RICTOR: variants seen among roughly 807,000 people sequenced by gnomAD.
The protein encoded by RICTOR is rapamycin-insensitive companion of mTOR.
RICTOR carries 49 observed loss-of-function variants against 214.9 expected under a neutral mutation model. The observed-to-expected ratio is 0.23, with a 90% CI of 0.18 to 0.29. The LOEUF (loss-of-function observed/expected upper bound fraction) is 0.29, where lower values mean the gene tolerates loss of function less well. Ranked by LOEUF, RICTOR falls within the 10% of genes least tolerant of loss-of-function variation. The pLI is 1.00. For missense variants in RICTOR, 1,625 were observed against 2,047.0 expected, an observed-to-expected ratio of 0.79 and a Z score of 3.98; for synonymous variants, 717 against 711.3, an observed-to-expected ratio of 1.01 and a Z score of -0.13.
At chr5:39,049,682 A>G (rs1037437223) in intron 2 of RICTOR, among the ~76,000 whole-genome samples, 2 of 150,748 alleles carry the variant, frequency 1.3e-5, no homozygotes, top group Non-Finnish European at 3.0e-5. Context: ...AATAGGAAAG[A>G]AGGGAGGGAG....
chr5:39,014,188 G>T (rs945517209), intron 3 of RICTOR, among the ~76,000 whole-genome samples: 5 of 152,062 alleles, frequency 3.3e-5, no homozygotes, highest in Non-Finnish European at 7.4e-5. Context: ...ATCACCTAAC[G>T]ATGCATTCCT....
chr5:38,944,968 A>C lies in RICTOR; in HGVS notation c.4734T>G (p.Asp1578Glu). 6.2e-7 allele frequency: 1 copy of C among 1,614,016 alleles called. No homozygotes were observed. Among genetic ancestry groups the C allele is most frequent in the East Asian group, 2.2e-5 (1 of 44,862 alleles). The change falls in exon 35 of 38, where the codon GAT becomes GAG. Residue 1578 changes from aspartate to glutamate, a missense_variant. Around this residue, in one of 5 missense-constraint regions of RICTOR, gnomAD observed 1,214 missense variants for 1,470.5 expected, o/e 0.83. Transcript: ENST00000357387. ...SKFSGISGCS[D>E]GVSQEGSASS... Reference sequence around the variant, plus strand: ...TAGCTGAGCCTTCTTGAGACACCCCATCACTGCATCCAGAAATCCCCGAAA... The same window carrying C: ...TAGCTGAGCCTTCTTGAGACACCCCCTCACTGCATCCAGAAATCCCCGAAA...
rs1245466150 is a variant in RICTOR, at chr5:38,990,648, G to T, written c.583+301C>A. On this transcript the variant is annotated intron_variant, in intron 7 of 37. Transcript: ENST00000357387. ...TGATATATATATCTGACATATATCA[G>T]ATATATGATATATATCAGATATATA... Among the ~76,000 whole-genome samples the T allele has an allele frequency of 2.3e-4, 11 of 48,022 alleles. 1 individual carries two copies. Among genetic ancestry groups the T allele is most frequent in the African/African-American group, 6.3e-4 (9 of 14,252 alleles). The allele number at this position is 48,022 out of a possible 152,430, so 31.5% of individuals were successfully genotyped here.
rs539028705 is a variant in RICTOR at position 39,027,670 on chromosome 5, A to T, written c.98-6534T>A. 1.2e-4 allele frequency among the ~76,000 whole-genome samples: 19 copies of T among 152,248 alleles called. No homozygotes were observed. The South Asian group carries it at 3.9e-3, about 32-fold the overall frequency. On this transcript the variant is annotated intron_variant, in intron 2 of 37. Transcript: ENST00000357387. ...TACATTATTTTGTAGACATTTTGAA[A>T]AATAAAAAAGCCAAAGAAAATGTTA... is the stretch of plus-strand genomic sequence containing the variant.
rs1269979317 is a variant in RICTOR, at chr5:38,950,468, C to T, written c.3380G>A (p.Ser1127Asn). The part of the protein sequence containing the change: ...GGKLSSESKT[S>N]NRRIRTLTEP... ...CGTAAGTGTTCTGATTCGCCTGTTG[C>T]TTGTCTTACTTTCAGATGATAATTT... Residue 1127 changes from serine to asparagine, a missense_variant, in exon 31 of 38, where the codon AGC becomes AAC. Physicochemically the swap from Ser to Asn is conservative, Grantham distance 46 (BLOSUM62 1). This residue lies in a region of RICTOR where 1,214 missense variants were observed against 1,470.5 expected (regional missense o/e 0.83). Coordinates refer to ENST00000357387, the MANE Select transcript of RICTOR (RefSeq NM_152756.5). 1.9e-6 allele frequency: 3 copies of T among 1,613,376 alleles called. No individual in the cohort carries two copies. Among genetic ancestry groups the T allele is most frequent in the Admixed American group, 1.7e-5 (1 of 59,906 alleles).
intron 2 of RICTOR, among the ~76,000 whole-genome samples, chr5:39,073,889 C>T (rs973158549): frequency 1.3e-5 from 2 of 152,054 alleles, no homozygotes; most frequent in Non-Finnish European, 1.5e-5. Context: ...GCCCGAGGCC[C>T]GGAGAAGGGC....
Position 39,032,959 on chromosome 5 carries a change from C to T in RICTOR, c.98-11823G>A, listed in dbSNP as rs1289144571. 1.3e-5 allele frequency among the ~76,000 whole-genome samples: 2 copies of T among 152,132 alleles called. 1 individual carries two copies. Among genetic ancestry groups the T allele is most frequent in the Non-Finnish European group, 2.9e-5 (2 of 68,028 alleles). ...TAAAGGTTTTTCCTAACCTACAAGC[C>T]CCCTTCTCTATACTCATGATACATT... On this transcript the variant is annotated intron_variant, in intron 2 of 37. Transcript: ENST00000357387.
In RICTOR at chr5:38,990,692, T is replaced by TCA. The variant is rs1372635285; in HGVS notation, c.583+256_583+257insTG. ...ATATATATCAGATATATCATATATATGATATATATCAGATATGATATATAT... is the reference window on the plus strand; with the variant it reads ...ATATATATCAGATATATCATATATATCAGATATATATCAGATATGATATATAT... On this transcript the variant is annotated intron_variant, in intron 7 of 37. Coordinates refer to ENST00000357387, the MANE Select transcript of RICTOR (RefSeq NM_152756.5). 8.7e-5 allele frequency among the ~76,000 whole-genome samples: 3 copies of TCA among 34,572 alleles called. 1 individual carries two copies. The highest frequency in any genetic ancestry group is 1.1e-3 in the East Asian group (2 of 1,856). The allele number at this position is 34,572 out of a possible 152,430, so 22.7% of individuals were successfully genotyped here. A position where few individuals can be genotyped will look rare whatever the true frequency, so the allele number is the denominator to read the frequency against.
intron 2 of RICTOR, among the ~76,000 whole-genome samples, chr5:39,051,042 T>TAC (rs111723153): frequency 0.11 from 15,507 of 145,674 alleles, 813 homozygotes; most frequent in East Asian, 0.14. Context: ...TACATATATA[T>TAC]ACACACACAC....
chr5:38,952,175 T>C, intron 30 of RICTOR, 21 bp downstream of exon 30: 2 of 1,364,744 alleles, frequency 1.5e-6, no homozygotes, highest in Non-Finnish European at 2.1e-6. Context: ...TAACTTTATA[T>C]GAACCTGTCA....
intron 31 of RICTOR, chr5:38,949,292 TTTTCA>T (rs1466453582): frequency 2.1e-5 from 22 of 1,058,736 alleles, no homozygotes; most frequent in Admixed American, 1.2e-4. Context: ...TTCACTGAAA[TTTTCA>T]TTTATCTTTT....
intron 5 of RICTOR, among the ~76,000 whole-genome samples, chr5:38,999,669 CA>C (rs1753465981): frequency 6.6e-6 from 1 of 151,862 alleles, no homozygotes; most frequent in African/African-American, 2.4e-5. Flanking sequence ...AAATAGAATA[CA>C]AATACCAAGA....
At chr5:39,072,873 TC>T (rs1193683204) in intron 2 of RICTOR, among the ~76,000 whole-genome samples, 1 of 152,238 alleles carries the variant, frequency 6.6e-6, no homozygotes, top group Admixed American at 6.5e-5. Flanking sequence ...CAAAACTAAG[TC>T]CCTGAACTTT....
chr5:38,958,447 G>A lies in RICTOR; in HGVS notation c.2416C>T (p.Leu806=), dbSNP rs926744989. 1.3e-6 allele frequency: 2 copies of A among 1,598,862 alleles called. No homozygotes were observed. Among genetic ancestry groups the A allele is most frequent in the East Asian group, 4.5e-5 (2 of 44,754 alleles). The change falls in exon 24 of 38, where the codon CTG becomes TTG. Residue 806 remains leucine (L), a synonymous_variant. Transcript: ENST00000357387. ...GAAAATTTACTTAAAATTTACCTCA[G>A]CAGGAGAAGCAAACCCTTGTCTCCA... ...HLGDKGLLLL[L]RFLSIPKGFS...
Position 38,945,140 on chromosome 5 carries a change from A to T in RICTOR, c.4634-72T>A. 1.4e-5 allele frequency: 15 copies of T among 1,040,150 alleles called. No individual in the cohort carries two copies. In the South Asian group the frequency reaches 2.0e-4, roughly 14 times the overall value. 64.4% of individuals were successfully genotyped at this position (1,040,150 alleles called of 1,614,324 possible). A position where few individuals can be genotyped will look rare whatever the true frequency, so the allele number is the denominator to read the frequency against. On this transcript the variant is annotated intron_variant, in intron 34 of 37. Transcript: ENST00000357387. Reference sequence around the variant, plus strand: ...ATTCCTGTGCTTACATTGCATGCTAAAAAGAAATAATATAAAATAACATCT... The same window carrying T: ...ATTCCTGTGCTTACATTGCATGCTATAAAGAAATAATATAAAATAACATCT...
chr5:39,059,321 A>G (rs1189727588), intron 2 of RICTOR, among the ~76,000 whole-genome samples: 1 of 152,084 alleles, frequency 6.6e-6, no homozygotes, highest in Non-Finnish European at 1.5e-5. Flanking sequence ...CGGCTAAACT[A>G]ATCTATGGCA....
chr5:38,968,172 A>G (rs1289821798), intron 11 of RICTOR, 142 bp from the exon 12 acceptor site: 1 of 612,814 alleles, frequency 1.6e-6, no homozygotes, highest in African/African-American at 1.9e-5. Context: ...TTAGTCAATG[A>G]TGGACCATAT....
Position 38,990,716 on chromosome 5 carries a change from A to ATCTGATATATATCATATC in RICTOR, c.583+232_583+233insGATATGATATATATCAGA, listed in dbSNP as rs760128991. On this transcript the variant is annotated intron_variant, in intron 7 of 37. Transcript: ENST00000357387. ...ATGATATATATCAGATATGATATAT[A>ATCTGATATATATCATATC]TGATATATATCATATATATGATATA... 3.1e-3 allele frequency among the ~76,000 whole-genome samples: 70 copies of ATCTGATATATATCATATC among 22,660 alleles called. 3 individuals carry two copies. Among genetic ancestry groups the ATCTGATATATATCATATC allele is most frequent in the African/African-American group, 0.012 (69 of 5,604 alleles). The allele number at this position is 22,660 out of a possible 152,430, so 14.9% of individuals were successfully genotyped here.
At chr5:39,057,204 G>A (rs1320033981) in intron 2 of RICTOR, among the ~76,000 whole-genome samples, 1 of 152,032 alleles carries the variant, frequency 6.6e-6, no homozygotes, top group Non-Finnish European at 1.5e-5. Flanking sequence ...TAATATATAG[G>A]ATAAATTTAA....
Sources: gnomAD v4.1 joint callset for allele counts (sites outside exome capture counted in the v4.1 genomes callset) on GRCh38, gnomAD v4.1.1 for gene constraint, gnomAD v4.1.1 regional missense constraint, MANE v1.5 for transcripts, NCBI Gene and HGNC (gene_info 2026-07-23, HGNC 2026-07-21) for gene names.